The following CCPG1 variants were observed in gnomAD, a reference collection of about 807,000 sequenced individuals.
CCPG1 encodes the protein cell cycle progression protein 1.
Under a neutral mutation model 81.3 loss-of-function variants are expected in CCPG1, and 46 were observed. The ratio of observed to expected loss-of-function variants is 0.57; its 90% CI spans 0.45 to 0.72. The LOEUF (loss-of-function observed/expected upper bound fraction) is 0.72. Ranked by LOEUF, CCPG1 falls within the 30% of genes least tolerant of loss-of-function variation. The pLI is 0.00. For synonymous variants in CCPG1, 330 were observed against 305.2 expected, an observed-to-expected ratio of 1.08 and a Z score of -0.85; for missense variants, 902 against 937.6, an observed-to-expected ratio of 0.96 and a Z score of 0.50.
At chr15:55,406,436 C>CTTTTTTTTTTTTTTTTTTTTTT (rs143238270) in intron 1 of CCPG1, among the ~76,000 whole-genome samples, 12 of 126,264 alleles carry the variant, frequency 9.5e-5, no homozygotes, top group African/African-American at 1.2e-4. Flanking sequence ...TTCTTTTTCT[C>CTTTTTTTTTTTTTTTTTTTTTT]TTTTTTTTTT....
In CCPG1 at chr15:55,382,430, T is replaced by A. The variant is rs183397498; in HGVS notation, c.175+3170A>T. ...CATCTCAAGAAACTACTTTCTTTGCTCATCCATAAGAAGCAACTCCTTATC... is the reference window on the plus strand; with the variant it reads ...CATCTCAAGAAACTACTTTCTTTGCACATCCATAAGAAGCAACTCCTTATC... On this transcript the variant is annotated intron_variant, in intron 3 of 8. Coordinates refer to ENST00000442196, the MANE Select transcript of CCPG1 (RefSeq NM_001204450.2). Among the ~76,000 whole-genome samples, 131 of 152,188 alleles carry A rather than the reference T, an allele frequency of 8.6e-4. 2 individuals carry two copies. Among genetic ancestry groups the A allele is most frequent in the African/African-American group, 3.1e-3 (128 of 41,534 alleles).
intron 2 of CCPG1, among the ~76,000 whole-genome samples, chr15:55,386,622 C>T (rs183281029): frequency 1.3e-5 from 2 of 152,038 alleles, no homozygotes; most frequent in African/African-American, 4.8e-5. Context: ...AGGGCCGGGG[C>T]AGTGGCTCAC....
intron 1 of CCPG1, among the ~76,000 whole-genome samples, chr15:55,391,674 A>T (rs967062510): frequency 6.6e-6 from 1 of 152,122 alleles, no homozygotes; most frequent in Non-Finnish European, 1.5e-5. Context: ...AAAATTTAAA[A>T]ATTGAGATAC....
chr15:55,406,520 TG>T (rs2057228126), intron 1 of CCPG1, among the ~76,000 whole-genome samples: 1 of 150,618 alleles, frequency 6.6e-6, no homozygotes, highest in Non-Finnish European at 1.5e-5. Flanking sequence ...GGCCAGATCT[TG>T]TGGCTCACTG....
chr15:55,400,240 G>T (rs1404973259), intron 1 of CCPG1, among the ~76,000 whole-genome samples: 1 of 149,104 alleles, frequency 6.7e-6, no homozygotes, highest in Non-Finnish European at 1.5e-5. Context: ...GCCAGGGGTG[G>T]TGAGTCACAC....
chr15:55,374,034 T>C, intron 5 of CCPG1: 2 of 404,662 alleles, frequency 4.9e-6, no homozygotes, highest in South Asian at 2.4e-5. Context: ...TTACAAGAGA[T>C]TCTGAACACC....
intron 6 of CCPG1, among the ~76,000 whole-genome samples, chr15:55,365,546 G>A (rs985590630): frequency 4.7e-5 from 7 of 149,920 alleles, no homozygotes; most frequent in Non-Finnish European, 8.9e-5. Context: ...TCAGCTTCCC[G>A]AGTGTCTGGG....
At position 55,357,127 on chromosome 15, in the gene CCPG1, C is replaced by G. The variant is rs973761042; in HGVS notation, c.2235-718G>C. 45 of 981,430 alleles carry G rather than the reference C, an allele frequency of 4.6e-5. No homozygotes were observed. The African/African-American group carries it at 6.8e-4, about 15-fold the overall frequency. 60.8% of individuals were successfully genotyped at this position (981,430 alleles called of 1,614,324 possible). A position where few individuals can be genotyped will look rare whatever the true frequency, so the allele number is the denominator to read the frequency against. On this transcript the variant is annotated intron_variant, in intron 8 of 8. Coordinates refer to ENST00000442196, the MANE Select transcript of CCPG1 (RefSeq NM_001204450.2). ...AAGAGATGACCATAGAACTAACTGCCAACTAACCCTCTCCACTTGAATGTC... is the reference window on the plus strand; with the variant it reads ...AAGAGATGACCATAGAACTAACTGCGAACTAACCCTCTCCACTTGAATGTC...
chr15:55,389,700 AAAG>A (rs1173232504), intron 1 of CCPG1, among the ~76,000 whole-genome samples: 2 of 152,208 alleles, frequency 1.3e-5, no homozygotes, highest in African/African-American at 4.8e-5. Flanking sequence ...GTTATGTCTA[AAAG>A]AAAATGTAGC....
chr15:55,364,966 A>G (rs2056291750), intron 7 of CCPG1, among the ~76,000 whole-genome samples: 1 of 152,212 alleles, frequency 6.6e-6, no homozygotes, highest in Non-Finnish European at 1.5e-5. Flanking sequence ...TTCCACCTAT[A>G]AAAGTTAGTA....
At chr15:55,365,832 C>T (rs1336781296) in intron 6 of CCPG1, among the ~76,000 whole-genome samples, 1 of 151,846 alleles carries the variant, frequency 6.6e-6, no homozygotes, top group Non-Finnish European at 1.5e-5. Flanking sequence ...TGGCTCACGC[C>T]TGTAATCCCA....
intron 3 of CCPG1, among the ~76,000 whole-genome samples, chr15:55,382,858 G>A (rs1193476977): frequency 2.0e-5 from 3 of 152,150 alleles, no homozygotes; most frequent in African/African-American, 7.2e-5. Context: ...CACATCTGCA[G>A]TTCCTTCCTC....
chr15:55,388,949 T>A (rs1192616553), intron 2 of CCPG1, among the ~76,000 whole-genome samples: 3 of 150,120 alleles, frequency 2.0e-5, no homozygotes, highest in Non-Finnish European at 4.4e-5. Context: ...GCACCTGTAA[T>A]TCCAGCTACT....
At chr15:55,382,610 C>T (rs982562659) in intron 3 of CCPG1, among the ~76,000 whole-genome samples, 1 of 151,428 alleles carries the variant, frequency 6.6e-6, no homozygotes, top group African/African-American at 2.4e-5. Context: ...CCCAGGTTCA[C>T]GCCATTCTCC....
chr15:55,382,402 T>C (rs562606281), intron 3 of CCPG1, among the ~76,000 whole-genome samples: 9 of 152,298 alleles, frequency 5.9e-5, no homozygotes, highest in South Asian at 4.2e-4. Context: ...CAAGAGTAGA[T>C]TGCATCTCAA....
intron 1 of CCPG1, among the ~76,000 whole-genome samples, chr15:55,397,412 T>C (rs1023998912): frequency 6.8e-6 from 1 of 146,278 alleles, no homozygotes; most frequent in African/African-American, 2.8e-5. Flanking sequence ...GACAGCATTG[T>C]GGGGGAGCAA....
chr15:55,400,905 A>C (rs1215135189), intron 1 of CCPG1, among the ~76,000 whole-genome samples: 1 of 152,228 alleles, frequency 6.6e-6, no homozygotes, highest in Non-Finnish European at 1.5e-5. Flanking sequence ...TTAATGTTCT[A>C]GCATGCCTCA....
At position 55,362,581 on chromosome 15, in the gene CCPG1, T is replaced by C. The variant is rs146014914; in HGVS notation, c.829-1637A>G. Reference sequence around the variant, plus strand: ...GCACTGGTGTGGCATAATCTTGAAATGCACAAGCCCAGGAAGCCACAGGAT... The same window carrying C: ...GCACTGGTGTGGCATAATCTTGAAACGCACAAGCCCAGGAAGCCACAGGAT... On this transcript the variant is annotated intron_variant, in intron 7 of 8. Coordinates refer to ENST00000442196, the MANE Select transcript of CCPG1 (RefSeq NM_001204450.2). Among the ~76,000 whole-genome samples the C allele has an allele frequency of 8.0e-3, 1,214 of 152,272 alleles. 17 individuals are homozygous for C. The highest frequency in any genetic ancestry group is 0.028 in the African/African-American group (1,161 of 41,540).
rs771833735 is a variant in CCPG1, at chr15:55,365,270, T to C, written c.746A>G (p.Lys249Arg). 5.8e-6 allele frequency: 9 copies of C among 1,551,784 alleles called. No individual in the cohort carries two copies. Among genetic ancestry groups the C allele is most frequent in the Non-Finnish European group, 8.0e-6 (9 of 1,131,316 alleles). The change falls in exon 7 of 9, where the codon AAG (lysine) becomes AGG (arginine). Residue 249 changes from lysine (K) to arginine (R), a missense_variant. Lys to Arg is a conservative substitution (Grantham distance 26). Around this residue, in one of 3 missense-constraint regions of CCPG1, gnomAD observed 746 missense variants for 728.6 expected, o/e 1.02. Coordinates refer to ENST00000442196, the MANE Select transcript of CCPG1 (RefSeq NM_001204450.2). ...QIQKRQQLVRKIHEDELNDMK... is the reference protein window; with the variant it reads ...QIQKRQQLVRRIHEDELNDMK... ...ATCATTCAATTCATCTTCATGTATC[T>C]TTCTGACTAACTGTTGACGCTTCTG...
Sources: gnomAD v4.1 joint callset for allele counts (sites outside exome capture counted in the v4.1 genomes callset) on GRCh38, gnomAD v4.1.1 for gene constraint, gnomAD v4.1.1 regional missense constraint, MANE v1.5 for transcripts, NCBI Gene and HGNC (gene_info 2026-07-23, HGNC 2026-07-21) for gene names.